Variants in ODF2L observed in about 807,000 individuals in gnomAD.
ODF2L encodes protein BCAP.
ODF2L carries 76 observed loss-of-function variants against 86.3 expected under a neutral mutation model. The observed-to-expected ratio is 0.88, with a 90% CI of 0.73 to 1.07. The LOEUF (loss-of-function observed/expected upper bound fraction) is 1.07. Among genes scored for constraint, ODF2L ranks in the 50% least tolerant of loss-of-function variants. The pLI is 0.00. For synonymous variants in ODF2L, 241 were observed against 231.3 expected (o/e 1.04, Z -0.38); for missense variants, 748 against 717.4 (o/e 1.04, Z -0.49).
Position 86,356,750 on chromosome 1 carries a change from T to G in ODF2L, c.1360-148A>C, listed in dbSNP as rs184476704. ...ACACAACTGAATAAATATTAAACTC[T>G]GTTAAATAAGAATGTATAACTAAAA... On this transcript the variant is annotated intron_variant, in intron 13 of 17. Coordinates refer to ENST00000317336, the Ensembl canonical transcript of ODF2L. 3.2e-3 allele frequency: 1,949 copies of G among 608,242 alleles called. 12 individuals carry two copies. The highest frequency in any genetic ancestry group is 0.024 in the Middle Eastern group (50 of 2,122). 37.7% of individuals were successfully genotyped at this position (608,242 alleles called of 1,614,324 possible). A position where few individuals can be genotyped will look rare whatever the true frequency, so the allele number is the denominator to read the frequency against.
intron 1 of ODF2L, among the ~76,000 whole-genome samples, chr1:86,390,862 G>A (rs1661275608): frequency 6.6e-6 from 1 of 152,112 alleles, no homozygotes; most frequent in African/African-American, 2.4e-5. Context: ...GAAATAAAGG[G>A]CATCCAAATC....
In ODF2L at chr1:86,372,648, T is replaced by C. The variant is rs1306039085; in HGVS notation, c.811-108A>G. 15 of 572,512 alleles carry C rather than the reference T, an allele frequency of 2.6e-5. No individual in the cohort carries two copies. The South Asian group carries it at 4.9e-4, about 19-fold the overall frequency. 35.5% of individuals were successfully genotyped at this position (572,512 alleles called of 1,614,324 possible). ...AACAGGGAAGCAATCTTCCAAAAAG[T>C]ATGGAACTTCAAATATAGAAAACTA... On this transcript the variant is annotated intron_variant, in intron 8 of 17. Transcript: ENST00000317336.
chr1:86,385,634 A>G (rs543157723), intron 2 of ODF2L, 44 bp from the exon 3 acceptor site: 3 of 1,492,086 alleles, frequency 2.0e-6, no homozygotes, highest in Non-Finnish European at 2.8e-6. Flanking sequence ...AATCCATTTC[A>G]TTTAAAGATG....
At chr1:86,370,320 G>A (rs921253806) in intron 10 of ODF2L, among the ~76,000 whole-genome samples, 9 of 151,934 alleles carry the variant, frequency 5.9e-5, no homozygotes, top group Non-Finnish European at 1.0e-4. Flanking sequence ...GAATTAAACT[G>A]TTATAAATAC....
intron 14 of ODF2L, 47 bp from the exon 14 acceptor site, chr1:86,354,906 C>A (rs758173050): frequency 3.9e-6 from 4 of 1,025,470 alleles, no homozygotes; most frequent in African/African-American, 1.6e-5. Flanking sequence ...TCACAATCAA[C>A]TTCCAAAGAA....
Position 86,386,676 on chromosome 1 carries a change from T to C in ODF2L, c.113+239A>G, listed in dbSNP as rs535859142. ...GTGCTGGGATTACAGGCATGATCCA[T>C]TGCGCCCGGCCAGGTTTTCATTTTT... is the stretch of plus-strand genomic sequence containing the variant. On this transcript the variant is annotated intron_variant, in intron 2 of 17. Transcript: ENST00000317336. 2.8e-4 allele frequency: 108 copies of C among 390,184 alleles called. No homozygotes were observed. The South Asian group carries it at 7.3e-3, about 26-fold the overall frequency. 24.2% of individuals were successfully genotyped at this position (390,184 alleles called of 1,614,324 possible). A position where few individuals can be genotyped will look rare whatever the true frequency, so the allele number is the denominator to read the frequency against.
intron 10 of ODF2L, among the ~76,000 whole-genome samples, chr1:86,370,674 C>T (rs1659732829): frequency 6.6e-6 from 1 of 152,128 alleles, no homozygotes; most frequent in African/African-American, 2.4e-5. Flanking sequence ...GGTTATGAAG[C>T]AGCCAAGAAC....
exon 18 of ODF2L, chr1:86,350,831 T>C (rs1184404869): frequency 6.6e-6 from 1 of 152,260 alleles, no homozygotes; most frequent in African/African-American, 2.4e-5. Context: ...TAGTTTTGAT[T>C]TGCATTTCTC....
At chr1:86,384,692 T>A (rs997620575) in exon 4 of ODF2L, 2 of 1,497,472 alleles carry the variant, frequency 1.3e-6, no homozygotes, top group African/African-American at 1.4e-5. Context: ...GTAGTCTCTC[T>A]TTCTAAGAAG....
intron 13 of ODF2L, chr1:86,357,677 T>C: frequency 1.2e-6 from 1 of 864,606 alleles, no homozygotes; most frequent in Non-Finnish European, 1.4e-6. Flanking sequence ...TCCCTCAGTG[T>C]CCTTAAAACA....
At chr1:86,381,773 T>C (rs1660605868) in intron 7 of ODF2L, among the ~76,000 whole-genome samples, 2 of 152,034 alleles carry the variant, frequency 1.3e-5, no homozygotes, top group Non-Finnish European at 1.5e-5. Context: ...TTTGTGAACA[T>C]CAAAGTTGGG....
exon 7 of ODF2L, chr1:86,382,310 G>A (rs958310016): frequency 1.2e-5 from 20 of 1,611,938 alleles, no homozygotes; most frequent in Admixed American, 1.7e-5. Context: ...AGTCGTTCAT[G>A]TACTACTTTT....
intron 11 of ODF2L, among the ~76,000 whole-genome samples, chr1:86,361,646 T>C (rs183952583): frequency 2.0e-5 from 3 of 152,186 alleles, no homozygotes; most frequent in East Asian, 3.9e-4. Flanking sequence ...AATGACAAAT[T>C]TGATGTCTTG....
chr1:86,394,094 A>G (rs1661528416), intron 1 of ODF2L, among the ~76,000 whole-genome samples: 1 of 152,210 alleles, frequency 6.6e-6, no homozygotes, highest in Non-Finnish European at 1.5e-5. Flanking sequence ...CCTTATAAAC[A>G]TCATCTCACA....
chr1:86,382,805 CA>C (rs1302793847), intron 6 of ODF2L, 125 bp downstream of exon 6: 1 of 627,412 alleles, frequency 1.6e-6, no homozygotes, highest in African/African-American at 1.9e-5. Context: ...GTAAAATATC[CA>C]AATAATCTAG....
intron 10 of ODF2L, chr1:86,368,738 C>T (rs1659610031): frequency 2.2e-6 from 3 of 1,393,330 alleles, no homozygotes; most frequent in Non-Finnish European, 2.8e-6. Context: ...GACAATACAA[C>T]AAAAAGTTTA....
intron 14 of ODF2L, chr1:86,355,457 G>A (rs1658474532): frequency 5.1e-6 from 4 of 780,862 alleles, no homozygotes; most frequent in Non-Finnish European, 8.7e-6. Context: ...AGTAATTTAG[G>A]CTAATCTATG....
At chr1:86,383,869 T>C (rs1176617708) in intron 4 of ODF2L, among the ~76,000 whole-genome samples, 2 of 151,802 alleles carry the variant, frequency 1.3e-5, no homozygotes, top group Non-Finnish European at 3.0e-5. Context: ...ATATTGATGA[T>C]ACAGTGTTAA....
exon 16 of ODF2L, chr1:86,354,566 T>C (rs1470165918): frequency 3.7e-6 from 6 of 1,607,176 alleles, no homozygotes; most frequent in Non-Finnish European, 5.1e-6. Flanking sequence ...CTTCCAGTTG[T>C]CTGGCCAATG....
Sources: allele counts gnomAD v4.1 joint callset (sites outside exome capture counted in the v4.1 genomes callset), GRCh38; gene constraint gnomAD v4.1.1; transcripts MANE v1.5; gene names NCBI Gene and HGNC (gene_info 2026-07-23, HGNC 2026-07-21).